Variants in FAR2 observed in about 807,000 individuals in gnomAD.
FAR2 encodes epididymis secretory protein Li 81.
FAR2 carries 19 observed loss-of-function variants against 56.0 expected under a neutral mutation model. That is an observed-to-expected ratio of 0.34 (90% confidence interval 0.24 to 0.50). The LOEUF is 0.50. Among genes scored for constraint, FAR2 ranks in the 20% least tolerant of loss-of-function variants. FAR2 has a pLI of 0.98. For synonymous variants in FAR2, 219 were observed against 218.8 expected (o/e 1.00, Z -0.01); for missense variants, 508 against 642.2 (o/e 0.79, Z 2.26).
chr12:29,316,790 G>A (rs1565521315), intron 8 of FAR2, 51 bp from the exon 9 acceptor site: 1 of 1,570,830 alleles, frequency 6.4e-7, no homozygotes, highest in Non-Finnish European at 8.7e-7. Flanking sequence ...CCACTATGAT[G>A]GACTTATATT....
chr12:29,226,128 G>A (rs989409929), intron 1 of FAR2, among the ~76,000 whole-genome samples: 5 of 152,194 alleles, frequency 3.3e-5, no homozygotes, highest in African/African-American at 1.2e-4. Flanking sequence ...TGATGTGTGG[G>A]ACATTGTCTG....
chr12:29,223,454 A>G (rs2136641563), intron 1 of FAR2, among the ~76,000 whole-genome samples: 1 of 152,320 alleles, frequency 6.6e-6, no homozygotes, highest in East Asian at 1.9e-4. Context: ...TTAGCAGGTC[A>G]TCAATAATTT....
At chr12:29,234,744 T>C (rs140765366) in intron 1 of FAR2, among the ~76,000 whole-genome samples, 7 of 152,288 alleles carry the variant, frequency 4.6e-5, no homozygotes, top group African/African-American at 1.7e-4. Context: ...CCCTTCACTC[T>C]TCTTCTCCTG....
At chr12:29,302,666 CAT>C (rs1452339964) in intron 4 of FAR2, among the ~76,000 whole-genome samples, 1 of 152,136 alleles carries the variant, frequency 6.6e-6, no homozygotes, top group African/African-American at 2.4e-5. Context: ...TGTGCGCATG[CAT>C]TTTTGTGTGT....
chr12:29,248,342 A>G (rs1948160013), intron 1 of FAR2, among the ~76,000 whole-genome samples: 1 of 152,160 alleles, frequency 6.6e-6, no homozygotes, highest in Admixed American at 6.5e-5. Context: ...AGTACAAAAG[A>G]GAGAAATTTT....
intron 1 of FAR2, among the ~76,000 whole-genome samples, chr12:29,242,707 A>C (rs1339327337): frequency 6.6e-6 from 1 of 152,206 alleles, no homozygotes; most frequent in Non-Finnish European, 1.5e-5. Context: ...CTTTCTTTCA[A>C]GGAAAGAGGA....
intron 2 of FAR2, among the ~76,000 whole-genome samples, chr12:29,273,134 A>G (rs1948647123): frequency 6.6e-6 from 1 of 152,174 alleles, no homozygotes; most frequent in Non-Finnish European, 1.5e-5. Flanking sequence ...CATTGGGAGT[A>G]GGACCGTTTA....
intron 1 of FAR2, among the ~76,000 whole-genome samples, chr12:29,255,297 G>A (rs1022572257): frequency 2.0e-5 from 3 of 152,098 alleles, no homozygotes; most frequent in Admixed American, 6.5e-5. Context: ...GAGCTCTCTG[G>A]TGTCCCTCCC....
At chr12:29,318,244 T>C (rs1378400093) in intron 9 of FAR2, among the ~76,000 whole-genome samples, 1 of 152,198 alleles carries the variant, frequency 6.6e-6, no homozygotes, top group Non-Finnish European at 1.5e-5. Context: ...AAGACCTCAT[T>C]TGGAGCTCAT....
At position 29,321,885 on chromosome 12, in the gene FAR2, A is replaced by G; in HGVS notation, c.1218A>G (p.Thr406=). The change falls in exon 10 of 12, where the codon ACA becomes ACG. Residue 406 remains threonine, a synonymous_variant. Coordinates refer to ENST00000536681, the MANE Select transcript of FAR2 (RefSeq NM_001271783.2). ...NRSWEWSTYN[T]EMLMSELSPE... ...GTTGGGAATGGAGCACGTACAATAC[A>G]GAAATGCTGATGTCTGAGCTGAGTC... 1 of 1,613,798 alleles carries G rather than the reference A, an allele frequency of 6.2e-7. No individual in the cohort carries two copies. The highest frequency in any genetic ancestry group is 1.7e-4 in the Middle Eastern group (1 of 6,060).
In FAR2 at chr12:29,332,566, A is replaced by G. The variant is rs753360635; in HGVS notation, c.1258-34A>G. 63 of 1,612,558 alleles carry G rather than the reference A, an allele frequency of 3.9e-5. No individual in the cohort carries two copies. In the Middle Eastern group the frequency reaches 6.6e-4, roughly 17 times the overall value. ...GACAAAGTGACTGTCCAGCACTGCAATTCTGGCAATCTATAATCTCTCTTG... is the reference window on the plus strand; with the variant it reads ...GACAAAGTGACTGTCCAGCACTGCAGTTCTGGCAATCTATAATCTCTCTTG... On this transcript the variant is annotated intron_variant, in intron 10 of 11. Coordinates refer to ENST00000536681, the MANE Select transcript of FAR2 (RefSeq NM_001271783.2).
chr12:29,260,648 C>G (rs1373050969), intron 1 of FAR2, among the ~76,000 whole-genome samples: 1 of 152,062 alleles, frequency 6.6e-6, no homozygotes, highest in African/African-American at 2.4e-5. Context: ...TGTCTTGTGG[C>G]TTCAGTGCCA....
intron 11 of FAR2, chr12:29,332,984 G>A (rs1949754128): frequency 1.9e-6 from 1 of 517,862 alleles, no homozygotes; most frequent in Non-Finnish European, 3.6e-6. Context: ...CTTGCCCATG[G>A]TAATTGCATA....
intron 1 of FAR2, among the ~76,000 whole-genome samples, chr12:29,196,254 A>T (rs192570105): frequency 6.6e-6 from 1 of 152,080 alleles, no homozygotes; most frequent in South Asian, 2.1e-4. Flanking sequence ...GTTATTTGAG[A>T]AATCTGCCTA....
At chr12:29,162,718 A>G (rs1314445724) in intron 1 of FAR2, among the ~76,000 whole-genome samples, 1 of 152,032 alleles carries the variant, frequency 6.6e-6, no homozygotes, top group African/African-American at 2.4e-5. Context: ...ATCTTTTATT[A>G]TTAAGGAAGG....
intron 10 of FAR2, among the ~76,000 whole-genome samples, chr12:29,324,478 A>G (rs1048489353): frequency 4.6e-5 from 7 of 152,210 alleles, no homozygotes; most frequent in South Asian, 2.1e-4. Flanking sequence ...GAAGGAAAAA[A>G]GTGTTAAGAG....
intron 1 of FAR2, among the ~76,000 whole-genome samples, chr12:29,219,628 GA>G (rs911371846): frequency 5.1e-4 from 74 of 144,192 alleles, no homozygotes; most frequent in South Asian, 1.7e-3. Flanking sequence ...GAGTAGACAA[GA>G]AAAAAAAAAG....
intron 1 of FAR2, among the ~76,000 whole-genome samples, chr12:29,170,643 CTT>C (rs1375833113): frequency 6.6e-6 from 1 of 152,054 alleles, no homozygotes; most frequent in African/African-American, 2.4e-5. Flanking sequence ...CTGTCTCTCT[CTT>C]TCTCTCTCTC....
At chr12:29,225,758 CTTTG>C (rs1195234814) in intron 1 of FAR2, among the ~76,000 whole-genome samples, 1 of 152,202 alleles carries the variant, frequency 6.6e-6, no homozygotes, top group Non-Finnish European at 1.5e-5. Flanking sequence ...GCTGCCACAG[CTTTG>C]TTTATCACAT....
Sources: gnomAD v4.1 joint callset for allele counts (sites outside exome capture counted in the v4.1 genomes callset) on GRCh38, gnomAD v4.1.1 for gene constraint, MANE v1.5 for transcripts, NCBI Gene and HGNC (gene_info 2026-07-23, HGNC 2026-07-21) for gene names.